Variants in SNTG1 observed in about 807,000 individuals in gnomAD.
SNTG1 encodes gamma-1-syntrophin.
Under a neutral mutation model 74.7 loss-of-function variants are expected in SNTG1, and 39 were observed. The ratio of observed to expected loss-of-function variants is 0.52; its 90% confidence interval spans 0.40 to 0.68. SNTG1 has a LOEUF of 0.68. Among genes scored for constraint, SNTG1 ranks in the 30% least tolerant of loss-of-function variants. The probability of loss-of-function intolerance (pLI) is 0.00; values close to 1 mark genes in which losing one functional copy is unlikely to be tolerated. For synonymous variants in SNTG1, 254 were observed against 217.1 expected, an observed-to-expected ratio of 1.17 and a Z score of -1.49; for missense variants, 685 against 609.5, an observed-to-expected ratio of 1.12 and a Z score of -1.30.
intron 18 of SNTG1, among the ~76,000 whole-genome samples, chr8:50,790,266 G>C (rs1369622971): frequency 6.6e-6 from 1 of 151,850 alleles, no homozygotes; most frequent in African/African-American, 2.4e-5. Context: ...GTTTTTGTCT[G>C]TTTTATTCAC....
chr8:50,055,354 G>GA (rs1432603899), intron 1 of SNTG1, among the ~76,000 whole-genome samples: 1 of 151,836 alleles, frequency 6.6e-6, no homozygotes, highest in Non-Finnish European at 1.5e-5. Flanking sequence ...ATCTTGCTTT[G>GA]AAAAAAATCC....
chr8:50,033,158 C>CG (rs949991945), intron 1 of SNTG1, among the ~76,000 whole-genome samples: 12 of 151,538 alleles, frequency 7.9e-5, no homozygotes, highest in Admixed American at 1.3e-4. Flanking sequence ...TCTTGTTGCC[C>CG]GGGTTGGAGT....
At chr8:50,232,340 G>A (rs1360370866) in intron 2 of SNTG1, among the ~76,000 whole-genome samples, 1 of 151,164 alleles carries the variant, frequency 6.6e-6, no homozygotes, top group Non-Finnish European at 1.5e-5. Context: ...AGGCTAAAAG[G>A]AAAAATCACC....
intron 13 of SNTG1, among the ~76,000 whole-genome samples, chr8:50,600,924 C>A (rs2094768853): frequency 6.6e-6 from 1 of 151,306 alleles, no homozygotes; most frequent in East Asian, 2.0e-4. Context: ...AATCCTAGGA[C>A]TTTGGGAGGC....
At chr8:50,670,665 C>G (rs1245343722) in intron 15 of SNTG1, among the ~76,000 whole-genome samples, 2 of 140,688 alleles carry the variant, frequency 1.4e-5, no homozygotes, top group Non-Finnish European at 3.1e-5. Flanking sequence ...CTACCAATGA[C>G]TTTCTTCAAA....
At chr8:50,389,547 T>A (rs573687858) in intron 2 of SNTG1, among the ~76,000 whole-genome samples, 19 of 152,300 alleles carry the variant, frequency 1.2e-4, no homozygotes, top group South Asian at 6.2e-4. Context: ...TAAACATACG[T>A]GTGCATGTGT....
At chr8:50,003,201 A>G (rs1055059380) in intron 1 of SNTG1, among the ~76,000 whole-genome samples, 5 of 152,214 alleles carry the variant, frequency 3.3e-5, no homozygotes, top group African/African-American at 1.2e-4. Flanking sequence ...GACTGTATTA[A>G]AAACCACTGA....
intron 1 of SNTG1, among the ~76,000 whole-genome samples, chr8:49,987,448 A>G (rs1813271786): frequency 6.6e-6 from 1 of 152,164 alleles, no homozygotes; most frequent in Admixed American, 6.5e-5. Context: ...TGGGGTCACA[A>G]CAACCTCAAA....
chr8:50,276,403 ATAT>A (rs1563832834), intron 2 of SNTG1, among the ~76,000 whole-genome samples: 1 of 142,614 alleles, frequency 7.0e-6, no homozygotes, highest in African/African-American at 2.6e-5. Flanking sequence ...ATATATATAT[ATAT>A]ATAAATCATA....
intron 1 of SNTG1, among the ~76,000 whole-genome samples, chr8:50,072,565 T>G (rs568923848): frequency 1.3e-5 from 2 of 152,214 alleles, no homozygotes; most frequent in East Asian, 3.9e-4. Flanking sequence ...GTAGAGCTGC[T>G]GTAACAAAGT....
At chr8:50,783,022 T>A (rs1320582632) in intron 18 of SNTG1, among the ~76,000 whole-genome samples, 1 of 152,122 alleles carries the variant, frequency 6.6e-6, no homozygotes, top group Non-Finnish European at 1.5e-5. Flanking sequence ...AGAGCCGATT[T>A]TCATGAACCG....
At chr8:50,045,166 T>C (rs930477380) in intron 1 of SNTG1, among the ~76,000 whole-genome samples, 1 of 152,166 alleles carries the variant, frequency 6.6e-6, no homozygotes, top group African/African-American at 2.4e-5. Flanking sequence ...TTAACTCGCT[T>C]GGTGTATTAG....
At chr8:50,264,033 G>T (rs915772081) in intron 2 of SNTG1, among the ~76,000 whole-genome samples, 18 of 152,056 alleles carry the variant, frequency 1.2e-4, no homozygotes, top group African/African-American at 4.3e-4. Flanking sequence ...AAGAAGATGT[G>T]GATAACCCAC....
intron 8 of SNTG1, among the ~76,000 whole-genome samples, chr8:50,502,546 T>C (rs553682707): frequency 3.3e-5 from 5 of 152,202 alleles, no homozygotes; most frequent in Non-Finnish European, 7.3e-5. Context: ...CAAGTATGAA[T>C]GGAAGATTCA....
At chr8:50,507,252 T>G (rs1419004195) in intron 9 of SNTG1, among the ~76,000 whole-genome samples, 1 of 152,130 alleles carries the variant, frequency 6.6e-6, no homozygotes, top group Non-Finnish European at 1.5e-5. Context: ...TTGAGGACCT[T>G]TGCATTAATA....
At chr8:50,666,030 T>C (rs749483562) in intron 15 of SNTG1, among the ~76,000 whole-genome samples, 1 of 152,124 alleles carries the variant, frequency 6.6e-6, no homozygotes, top group African/African-American at 2.4e-5. Flanking sequence ...AGACAGACTA[T>C]AATAATTAGC....
intron 15 of SNTG1, among the ~76,000 whole-genome samples, chr8:50,670,890 A>G (rs1384560627): frequency 1.3e-5 from 2 of 151,766 alleles, no homozygotes; most frequent in Non-Finnish European, 2.9e-5. Context: ...ATGACGCCAC[A>G]TATCTAGAAC....
chr8:50,047,465 A>T (rs768675748), intron 1 of SNTG1, among the ~76,000 whole-genome samples: 26 of 152,180 alleles, frequency 1.7e-4, no homozygotes, highest in Non-Finnish European at 3.1e-4. Context: ...AATGTGAGAG[A>T]TAAAAGTTAG....
At chr8:50,227,109 G>A (rs1372405981) in intron 2 of SNTG1, among the ~76,000 whole-genome samples, 1 of 152,226 alleles carries the variant, frequency 6.6e-6, no homozygotes, top group African/African-American at 2.4e-5. Context: ...AACCGAAGCT[G>A]CCAGTTTTAT....
Sources: gnomAD v4.1 joint callset for allele counts (sites outside exome capture counted in the v4.1 genomes callset) on GRCh38, gnomAD v4.1.1 for gene constraint, MANE v1.5 for transcripts, NCBI Gene and HGNC (gene_info 2026-07-23, HGNC 2026-07-21) for gene names.